Variants in SLC7A5 observed in about 807,000 individuals in gnomAD.
SLC7A5 encodes solute carrier family 7 member 5, also known as large neutral amino acids transporter small subunit 1.
Under a neutral mutation model 50.2 loss-of-function variants are expected in SLC7A5, and 23 were observed. The observed-to-expected ratio is 0.46, with a 90% CI of 0.33 to 0.65. SLC7A5 has a LOEUF of 0.65. Ranked by LOEUF, SLC7A5 falls within the 30% of genes least tolerant of loss-of-function variation. SLC7A5 has a pLI of 0.02. For missense variants in SLC7A5, 578 were observed against 684.4 expected, an observed-to-expected ratio of 0.84 and a Z score of 1.73; for synonymous variants, 393 against 330.6, an observed-to-expected ratio of 1.19 and a Z score of -2.05.
chr16:87,863,275 G>C (rs1450151623), intron 1 of SLC7A5, among the ~76,000 whole-genome samples: 2 of 152,142 alleles, frequency 1.3e-5, no homozygotes, highest in African/African-American at 2.4e-5. Context: ...GAACCTGTGA[G>C]TTCCCACTTA....
At chr16:87,854,653 C>A (rs921214464) in intron 1 of SLC7A5, among the ~76,000 whole-genome samples, 3 of 152,250 alleles carry the variant, frequency 2.0e-5, no homozygotes, top group African/African-American at 7.2e-5. Context: ...ATAAGTGTGG[C>A]CGCGCCAGCC....
rs747943121 is a variant in SLC7A5 at position 87,839,717 on chromosome 16, G to C, written c.924C>G (p.Ser308=). 1.2e-6 allele frequency: 2 copies of C among 1,613,526 alleles called. No individual in the cohort carries two copies. The highest frequency in any genetic ancestry group is 1.7e-4 in the Middle Eastern group (1 of 6,060). The part of the protein sequence containing the change: ...TTLSTEQMLS[S]EAVAVDFGNY... Reference sequence around the variant, plus strand: ...AGCGGCTCACCACGGCCACGGCCTCGGACGACAGCATCTGCTCGGTGGACA... The same window carrying C: ...AGCGGCTCACCACGGCCACGGCCTCCGACGACAGCATCTGCTCGGTGGACA... The change falls in exon 5 of 10, where the codon TCC becomes TCG. Residue 308 remains serine (S), a synonymous_variant. Coordinates refer to ENST00000261622, the MANE Select transcript of SLC7A5 (RefSeq NM_003486.7).
chr16:87,836,858 GAGGAGGGA>G (rs1475544865), intron 7 of SLC7A5: 4 of 500,726 alleles, frequency 8.0e-6, no homozygotes, highest in East Asian at 3.9e-5. Context: ...AAGAGGCGGG[GAGGAGGGA>G]AGGAGGGAGG....
intron 1 of SLC7A5, among the ~76,000 whole-genome samples, chr16:87,866,745 T>C (rs2055466500): frequency 6.6e-6 from 1 of 151,624 alleles, no homozygotes; most frequent in South Asian, 2.1e-4. Flanking sequence ...GGATTACAGG[T>C]GTGAGCCACA....
At chr16:87,858,490 C>T (rs1052748913) in intron 1 of SLC7A5, among the ~76,000 whole-genome samples, 6 of 152,156 alleles carry the variant, frequency 3.9e-5, no homozygotes, top group African/African-American at 9.7e-5. Flanking sequence ...AGTGAAAACC[C>T]GCTCCAGTCA....
chr16:87,867,139 C>T (rs1223786189), intron 1 of SLC7A5, among the ~76,000 whole-genome samples: 4 of 152,150 alleles, frequency 2.6e-5, no homozygotes, highest in East Asian at 1.9e-4. Flanking sequence ...AGGCTGGTCT[C>T]GAACTCCTGA....
At chr16:87,845,097 G>C (rs1166410010) in intron 2 of SLC7A5, among the ~76,000 whole-genome samples, 1 of 152,284 alleles carries the variant, frequency 6.6e-6, no homozygotes, top group Middle Eastern at 3.4e-3. Context: ...CTGGCTGCCA[G>C]GACCAGGACC....
At chr16:87,844,737 G>A (rs1323107072) in intron 2 of SLC7A5, among the ~76,000 whole-genome samples, 1 of 152,224 alleles carries the variant, frequency 6.6e-6, no homozygotes, top group East Asian at 1.9e-4. Context: ...ACACCTCAGG[G>A]ACAAGAGAGT....
chr16:87,839,052 C>T (rs2055049438), intron 5 of SLC7A5, among the ~76,000 whole-genome samples: 1 of 152,246 alleles, frequency 6.6e-6, no homozygotes, highest in Non-Finnish European at 1.5e-5. Context: ...TGATTTGCCC[C>T]CTCCTCTGGG....
chr16:87,852,869 G>A lies in SLC7A5; in HGVS notation c.539-1020C>T, dbSNP rs542707750. Among the ~76,000 whole-genome samples, 3 of 152,118 alleles carry A rather than the reference G, an allele frequency of 2.0e-5. No individual in the cohort carries two copies. Among genetic ancestry groups the A allele is most frequent in the East Asian group, 1.9e-4 (1 of 5,178 alleles). ...AATGAAGTAAAATCATATTAATCCC[G>A]AGGCACTGACTCCACGACACCCCTC... On this transcript the variant is annotated intron_variant, in intron 1 of 9. Transcript: ENST00000261622. This position sits in a 1 kb window ranked among gnomAD's most constrained non-coding sequence, Gnocchi z 4.5.
At chr16:87,835,722 C>T (rs935887503) in intron 8 of SLC7A5, among the ~76,000 whole-genome samples, 1 of 152,204 alleles carries the variant, frequency 6.6e-6, no homozygotes, top group Admixed American at 6.5e-5. Context: ...GATCTGCCCG[C>T]CTCGGCCTCC....
intron 4 of SLC7A5, among the ~76,000 whole-genome samples, chr16:87,840,071 A>T (rs2055063994): frequency 6.6e-6 from 1 of 152,090 alleles, no homozygotes; most frequent in Non-Finnish European, 1.5e-5. Context: ...AGAAATGGGG[A>T]TTCTTCGGGG....
At chr16:87,868,683 C>T (rs901628853) in intron 1 of SLC7A5, among the ~76,000 whole-genome samples, 11 of 152,314 alleles carry the variant, frequency 7.2e-5, no homozygotes, top group African/African-American at 1.2e-4. Context: ...TGAAGATATT[C>T]CCAGCCTGTG....
intron 8 of SLC7A5, among the ~76,000 whole-genome samples, chr16:87,835,934 C>T (rs35225909): frequency 0.21 from 32,726 of 152,242 alleles, 3,805 homozygotes; most frequent in South Asian, 0.36. Flanking sequence ...GGGCTCTGGC[C>T]TCTTGTTCTG....
In SLC7A5 at chr16:87,833,935, C is replaced by T. The variant is rs1438909550; in HGVS notation, c.1468+479G>A. ...ATGGTGCGATCTCGGCTCACTGCAA[C>T]CTCCGTCTCCCGGGTTCAAGTGATT... On this transcript the variant is annotated intron_variant, in intron 9 of 9. Transcript: ENST00000261622. This position sits in a 1 kb window ranked among gnomAD's most constrained non-coding sequence, Gnocchi z 6.0. Among the ~76,000 whole-genome samples, 6 of 151,798 alleles carry T rather than the reference C, an allele frequency of 4.0e-5. No individual in the cohort carries two copies. In the South Asian group the frequency reaches 1.0e-3, roughly 26 times the overall value.
At chr16:87,851,679 C>T (rs770805901) in intron 2 of SLC7A5, 45 bp downstream of exon 2, 9 of 1,599,152 alleles carry the variant, frequency 5.6e-6, no homozygotes, top group South Asian at 1.1e-5. Flanking sequence ...GACACACAGG[C>T]AAAGCCTCGA....
chr16:87,841,115 G>A lies in SLC7A5; in HGVS notation c.705C>T (p.Gly235=), dbSNP rs2055077957. 1 of 1,613,756 alleles carries A rather than the reference G, an allele frequency of 6.2e-7. No homozygotes were observed. Among genetic ancestry groups the A allele is most frequent in the Admixed American group, 1.7e-5 (1 of 60,000 alleles). ...CAATGTTCCCCACATCCAGTTTGGT[G>A]CCTTCAAATGAGAAGTTGGGATCTA... is the stretch of plus-strand genomic sequence containing the variant. ...SNLDPNFSFE[G]TKLDVGNIVL... Residue 235 remains glycine (G), a synonymous_variant, in exon 3 of 10, where the codon GGC becomes GGT. Transcript: ENST00000261622. The surrounding 1 kb of genome is among the most constrained non-coding windows in gnomAD (Gnocchi z 4.8).
chr16:87,863,986 A>AAAAAAAATATATATATATAT (rs376938738), intron 1 of SLC7A5, among the ~76,000 whole-genome samples: 1 of 83,278 alleles, frequency 1.2e-5, no homozygotes, highest in South Asian at 4.3e-4. Context: ...ATCATTTAAA[A>AAAAAAAATATATATATATAT]ATATATATAT....
chr16:87,846,236 G>A (rs927898563), intron 2 of SLC7A5, among the ~76,000 whole-genome samples: 4 of 152,206 alleles, frequency 2.6e-5, no homozygotes, highest in African/African-American at 9.7e-5. Context: ...CCCTGAGACT[G>A]TCTGAGATGC....
Sources: allele counts gnomAD v4.1 joint callset (sites outside exome capture counted in the v4.1 genomes callset), GRCh38; gene constraint gnomAD v4.1.1; non-coding constraint Gnocchi (gnomAD v3.1); transcripts MANE v1.5; gene names NCBI Gene and HGNC (gene_info 2026-07-23, HGNC 2026-07-21).